PIK3R1: variants seen among roughly 807,000 people sequenced by gnomAD.
PIK3R1 encodes the protein phosphatidylinositol 3-kinase regulatory subunit alpha.
A neutral mutation model predicts 98.0 loss-of-function variants in PIK3R1; 29 were observed. The observed-to-expected ratio is 0.30, with a 90% confidence interval of 0.22 to 0.40. PIK3R1 has a LOEUF of 0.40. Ranked by LOEUF, PIK3R1 falls within the 10% of genes least tolerant of loss-of-function variation. The probability of loss-of-function intolerance (pLI) is 1.00; values close to 1 mark genes in which losing one functional copy is unlikely to be tolerated. For synonymous variants in PIK3R1, 282 were observed against 311.8 expected, an observed-to-expected ratio of 0.90 and a Z score of 1.01; for missense variants, 596 against 872.7, an observed-to-expected ratio of 0.68 and a Z score of 3.99.
chr5:68,235,769 G>T (rs990345251), intron 2 of PIK3R1, among the ~76,000 whole-genome samples: 1 of 151,994 alleles, frequency 6.6e-6, no homozygotes, highest in South Asian at 2.1e-4. Context: ...TATAGTTTTT[G>T]TCTTACACTT....
chr5:68,245,412 A>G (rs1253642626), intron 2 of PIK3R1, among the ~76,000 whole-genome samples: 1 of 152,186 alleles, frequency 6.6e-6, no homozygotes, highest in Non-Finnish European at 1.5e-5. Context: ...CTGATGTTAT[A>G]GAATCACCAA....
Position 68,300,311 on chromosome 5 carries a change from C to T in PIK3R1, c.*2710C>T, listed in dbSNP as rs1017807470. On this transcript the variant is annotated 3_prime_UTR_variant, in exon 16 of 16. Transcript: ENST00000521381. ...AGTGTAGCTTGCCCACCGCATTTGT[C>T]GTTTTAGATACTTTGCTAGCCGGCC... The T allele has an allele frequency of 3.0e-5, 7 of 232,844 alleles. No individual in the cohort carries two copies. Among genetic ancestry groups the T allele is most frequent in the African/African-American group, 1.5e-4 (7 of 45,314 alleles). 14.4% of individuals were successfully genotyped at this position (232,844 alleles called of 1,614,324 possible).
chr5:68,296,981 A>C (rs972563692), intron 15 of PIK3R1, among the ~76,000 whole-genome samples: 1 of 152,202 alleles, frequency 6.6e-6, no homozygotes, highest in African/African-American at 2.4e-5. Flanking sequence ...TTGTGCAGAC[A>C]CCTCAAGGAC....
intron 2 of PIK3R1, among the ~76,000 whole-genome samples, chr5:68,252,928 C>G (rs1442864429): frequency 1.3e-5 from 2 of 152,168 alleles, no homozygotes; most frequent in African/African-American, 4.8e-5. Context: ...CAGATTCCAC[C>G]TTTCTCAGAT....
rs1398267224 is a variant in PIK3R1 at position 68,226,962 on chromosome 5, C to A, written c.287C>A (p.Pro96His). 2 of 1,613,722 alleles carry A rather than the reference C, an allele frequency of 1.2e-6. No individual in the cohort carries two copies. Among genetic ancestry groups the A allele is most frequent in the African/African-American group, 1.3e-5 (1 of 74,860 alleles). The change falls in exon 2 of 16, where the codon CCT becomes CAT. Residue 96 changes from proline (P) to histidine (H), a missense_variant. Transcript: ENST00000521381. The stretch of plus-strand genomic sequence containing the variant: ...AAGCCCCGGCCACCTCGGCCTCTTC[C>A]TGTTGCACCAGGTTCTTCGAAAACT... ...TPKPRPPRPL[P>H]VAPGSSKTEA...
intron 2 of PIK3R1, among the ~76,000 whole-genome samples, chr5:68,249,112 G>A (rs920171203): frequency 1.3e-5 from 2 of 152,218 alleles, no homozygotes; most frequent in Admixed American, 6.5e-5. Context: ...TAATCAGGCT[G>A]TGTAATTTCC....
Position 68,291,776 on chromosome 5 carries a change from G to A in PIK3R1, c.917-483G>A, listed in dbSNP as rs1311111157. 4 of 153,484 alleles carry A rather than the reference G, an allele frequency of 2.6e-5. No homozygotes were observed. In the East Asian group the frequency reaches 7.7e-4, roughly 29 times the overall value. 9.5% of individuals were successfully genotyped at this position (153,484 alleles called of 1,614,324 possible). A position where few individuals can be genotyped will look rare whatever the true frequency, so the allele number is the denominator to read the frequency against. ...ATTGCTCCTCTTAAAACATACTGCT[G>A]TAGATGAGCCTTTTTATTACTGCAA... On this transcript the variant is annotated intron_variant, in intron 7 of 15. Coordinates refer to ENST00000521381, the MANE Select transcript of PIK3R1 (RefSeq NM_181523.3).
At position 68,298,915 on chromosome 5, in the gene PIK3R1, G is replaced by A; in HGVS notation, c.*1314G>A. Reference sequence around the variant, plus strand: ...ATGTATCAAGTGGGGTGGTGGGAGGGGGAGGCAAGGTTATATGCACTTTCT... The same window carrying A: ...ATGTATCAAGTGGGGTGGTGGGAGGAGGAGGCAAGGTTATATGCACTTTCT... On this transcript the variant is annotated 3_prime_UTR_variant, in exon 16 of 16. Transcript: ENST00000521381. 8.6e-6 allele frequency: 2 copies of A among 233,272 alleles called. No homozygotes were observed. The allele number at this position is 233,272 out of a possible 1,614,324, so 14.5% of individuals were successfully genotyped here. A position where few individuals can be genotyped will look rare whatever the true frequency, so the allele number is the denominator to read the frequency against.
intron 2 of PIK3R1, 152 bp from the exon 3 acceptor site, chr5:68,273,238 T>C (rs1746436142): frequency 9.7e-6 from 7 of 723,810 alleles, no homozygotes; most frequent in Non-Finnish European, 1.7e-5. Flanking sequence ...GCAGTGGGCA[T>C]ATCACTTTGG....
At chr5:68,256,336 T>C (rs1745513494) in intron 2 of PIK3R1, among the ~76,000 whole-genome samples, 1 of 152,172 alleles carries the variant, frequency 6.6e-6, no homozygotes, top group African/African-American at 2.4e-5. Flanking sequence ...TTCACACCAT[T>C]CTCCTGCCTC....
chr5:68,230,081 G>C (rs554993131), intron 2 of PIK3R1, among the ~76,000 whole-genome samples: 1 of 152,274 alleles, frequency 6.6e-6, no homozygotes, highest in East Asian at 1.9e-4. Flanking sequence ...TCCACCTTTG[G>C]AGCTGTGCTT....
chr5:68,239,937 G>A, intron 2 of PIK3R1: 2 of 497,488 alleles, frequency 4.0e-6, no homozygotes, highest in South Asian at 3.1e-5. Flanking sequence ...GCTGGAAAGA[G>A]GTGATTACTT....
intron 4 of PIK3R1, among the ~76,000 whole-genome samples, chr5:68,278,047 C>G (rs190810093): frequency 2.6e-5 from 4 of 152,212 alleles, no homozygotes; most frequent in South Asian, 2.1e-4. Flanking sequence ...TTTCTAGAGG[C>G]CCATGGTCAC....
chr5:68,292,248 T>A lies in PIK3R1; in HGVS notation c.917-11T>A. ...TGGGATTGCGAACAACTTTTTCTTT[T>A]TCATCTGCAGCACTGCCTCCTAAAC... On this transcript the variant is annotated splice_polypyrimidine_tract_variant and intron_variant, in intron 7 of 15. Transcript: ENST00000521381. The A allele has an allele frequency of 6.3e-7, 1 of 1,584,290 alleles. No individual in the cohort carries two copies. The highest frequency in any genetic ancestry group is 8.6e-7 in the Non-Finnish European group (1 of 1,161,164).
intron 1 of PIK3R1, among the ~76,000 whole-genome samples, chr5:68,219,984 T>C (rs960054450): frequency 2.6e-5 from 4 of 152,208 alleles, no homozygotes; most frequent in Non-Finnish European, 2.9e-5. Flanking sequence ...TGAGTTGATA[T>C]ATGTACAACT....
intron 2 of PIK3R1, among the ~76,000 whole-genome samples, chr5:68,233,351 G>C (rs1053450594): frequency 6.6e-6 from 1 of 152,210 alleles, no homozygotes; most frequent in Non-Finnish European, 1.5e-5. Flanking sequence ...TGGTGTGATA[G>C]CTTGAAATGA....
At chr5:68,266,215 C>T (rs925009126) in intron 2 of PIK3R1, among the ~76,000 whole-genome samples, 1 of 152,224 alleles carries the variant, frequency 6.6e-6, no homozygotes, top group African/African-American at 2.4e-5. Context: ...GACATCGCAG[C>T]TTCTCAAGTT....
At chr5:68,262,704 T>C (rs1246764100) in intron 2 of PIK3R1, among the ~76,000 whole-genome samples, 1 of 46,740 alleles carries the variant, frequency 2.1e-5, no homozygotes, top group African/African-American at 9.2e-5. Context: ...CACATGTAGA[T>C]GCATGTAGAT....
At chr5:68,235,961 C>T (rs567493514) in intron 2 of PIK3R1, among the ~76,000 whole-genome samples, 10 of 151,274 alleles carry the variant, frequency 6.6e-5, no homozygotes, top group African/African-American at 1.9e-4. Context: ...ACCTCTGCCT[C>T]CTGGGTTCAA....
Sources: allele counts gnomAD v4.1 joint callset (sites outside exome capture counted in the v4.1 genomes callset), GRCh38; gene constraint gnomAD v4.1.1; transcripts MANE v1.5; gene names NCBI Gene and HGNC (gene_info 2026-07-23, HGNC 2026-07-21).